The following CSE1L variants were observed in gnomAD, a reference collection of about 807,000 sequenced individuals.
CSE1L encodes chromosome segregation 1 like.
CSE1L carries 24 observed loss-of-function variants against 120.4 expected under a neutral mutation model. The ratio of observed to expected loss-of-function variants is 0.20; its 90% confidence interval spans 0.14 to 0.28. The LOEUF (loss-of-function observed/expected upper bound fraction) is 0.28, where lower values mean the gene tolerates loss of function less well. Among genes scored for constraint, CSE1L ranks in the 10% least tolerant of loss-of-function variants. The pLI is 1.00. For missense variants in CSE1L, 830 were observed against 1,145.2 expected (o/e 0.72, Z 3.97); for synonymous variants, 402 against 398.3 (o/e 1.01, Z -0.11).
At chr20:49,084,446 A>G (rs1246527544) in intron 15 of CSE1L, among the ~76,000 whole-genome samples, 2 of 152,148 alleles carry the variant, frequency 1.3e-5, no homozygotes, top group Non-Finnish European at 2.9e-5. Context: ...GAAACTCCAA[A>G]TTTTATTTGG....
Position 49,070,173 on chromosome 20 carries a change from T to C in CSE1L, c.676-32T>C, listed in dbSNP as rs149341841. The C allele has an allele frequency of 4.8e-4, 492 of 1,028,348 alleles. 1 individual carries two copies. The African/African-American group carries it at 7.3e-3, about 15-fold the overall frequency. 63.7% of individuals were successfully genotyped at this position (1,028,348 alleles called of 1,614,324 possible). A position where few individuals can be genotyped will look rare whatever the true frequency, so the allele number is the denominator to read the frequency against. On this transcript the variant is annotated intron_variant, in intron 7 of 24. Transcript: ENST00000262982. ...AAAAGTGGTGTTCTTAATATTTTAA[T>C]CAAAAGTTTCAAGTCAGTGTTTATT... is the stretch of plus-strand genomic sequence containing the variant.
In CSE1L at chr20:49,085,247, G is replaced by A. The variant is rs754077803; in HGVS notation, c.1620-36G>A. 7 of 1,514,898 alleles carry A rather than the reference G, an allele frequency of 4.6e-6. No individual in the cohort carries two copies. In the Admixed American group the frequency reaches 1.0e-4, roughly 22 times the overall value. 93.8% of individuals were successfully genotyped at this position (1,514,898 alleles called of 1,614,324 possible). On this transcript the variant is annotated intron_variant, in intron 15 of 24. Coordinates refer to ENST00000262982, the MANE Select transcript of CSE1L (RefSeq NM_001316.4). ...GTAATCTGCAGTGACAAGCTCAAGA[G>A]TTGGTAGTGACTGAAAGCTGTTTTT...
chr20:49,077,204 G>A (rs1331984444), intron 13 of CSE1L, 140 bp downstream of exon 13: 1 of 539,588 alleles, frequency 1.9e-6, no homozygotes, highest in Non-Finnish European at 3.1e-6. Context: ...CTGTTACCCA[G>A]GCTGGAGTGC....
intron 21 of CSE1L, 124 bp downstream of exon 21, chr20:49,091,146 C>A (rs555226826): frequency 1.4e-6 from 1 of 712,864 alleles, no homozygotes; most frequent in Non-Finnish European, 2.4e-6. Flanking sequence ...TACTTGGCCA[C>A]GTGTGGAGGT....
chr20:49,093,995 C>T (rs1443421868), intron 22 of CSE1L, 145 bp from the exon 23 acceptor site: 8 of 580,066 alleles, frequency 1.4e-5, no homozygotes, highest in Non-Finnish European at 1.8e-5. Flanking sequence ...TATGTTTTGA[C>T]TTTCAGTCTC....
chr20:49,094,045 T>G, intron 22 of CSE1L, 95 bp from the exon 23 acceptor site: 1 of 782,664 alleles, frequency 1.3e-6, no homozygotes, highest in Non-Finnish European at 2.0e-6. Context: ...ATTTAGTAAT[T>G]TATCATATTC....
At chr20:49,063,417 G>C in intron 3 of CSE1L, 73 bp downstream of exon 3, 1 of 1,017,690 alleles carries the variant, frequency 9.8e-7, no homozygotes, top group Non-Finnish European at 1.4e-6. Flanking sequence ...GTTCTTCAAA[G>C]ATAAGGCACG....
rs772664917 is a variant in CSE1L, at chr20:49,096,390, C to G, written c.2868C>G (p.Leu956=). The part of the protein sequence containing the change: ...MVSTSLNAEA[L]QYLQGYLQAA... ...GCACCAGCCTGAATGCAGAAGCGCTCCAGTATCTCCAAGGGTACCTTCAGG... is the reference window on the plus strand; with the variant it reads ...GCACCAGCCTGAATGCAGAAGCGCTGCAGTATCTCCAAGGGTACCTTCAGG... The change falls in exon 25 of 25, where the codon CTC becomes CTG. Residue 956 remains leucine, a synonymous_variant. Transcript: ENST00000262982. 7 of 1,614,134 alleles carry G rather than the reference C, an allele frequency of 4.3e-6. No individual in the cohort carries two copies. The highest frequency in any genetic ancestry group is 2.2e-5 in the East Asian group (1 of 44,882).
chr20:49,088,335 C>G (rs1235148136), intron 17 of CSE1L, among the ~76,000 whole-genome samples: 1 of 152,120 alleles, frequency 6.6e-6, no homozygotes, highest in Admixed American at 6.5e-5. Context: ...ATTCTCATTA[C>G]AAAAGTAACA....
intron 14 of CSE1L, among the ~76,000 whole-genome samples, chr20:49,080,261 A>ATTTTTTTTTTTTTTT: frequency 7.7e-6 from 1 of 129,156 alleles, no homozygotes; most frequent in Non-Finnish European, 1.7e-5. Context: ...GTTTTTTTTT[A>ATTTTTTTTTTTTTTT]TTTTTTTTGT....
chr20:49,047,002 C>T (rs1318502856), intron 1 of CSE1L, among the ~76,000 whole-genome samples: 1 of 152,248 alleles, frequency 6.6e-6, no homozygotes, highest in Admixed American at 6.5e-5. Flanking sequence ...GCATCGTGAT[C>T]TCACTTTGCT....
At chr20:49,081,739 CTT>C (rs1433139672) in intron 14 of CSE1L, among the ~76,000 whole-genome samples, 1 of 152,074 alleles carries the variant, frequency 6.6e-6, no homozygotes, top group African/African-American at 2.4e-5. Context: ...GCCTAGGTCA[CTT>C]TAATTGTACT....
At chr20:49,087,041 G>A (rs1422058794) in intron 16 of CSE1L, among the ~76,000 whole-genome samples, 1 of 152,082 alleles carries the variant, frequency 6.6e-6, no homozygotes, top group Non-Finnish European at 1.5e-5. Flanking sequence ...CATGTATTTG[G>A]GGCTCTGCTT....
chr20:49,058,914 G>A (rs2041461193), intron 2 of CSE1L, among the ~76,000 whole-genome samples: 1 of 152,060 alleles, frequency 6.6e-6, no homozygotes, highest in South Asian at 2.1e-4. Context: ...GGCGGATCAC[G>A]AGGTCAGGAG....
At chr20:49,058,959 G>A (rs992560322) in intron 2 of CSE1L, among the ~76,000 whole-genome samples, 14 of 151,962 alleles carry the variant, frequency 9.2e-5, no homozygotes, top group Admixed American at 7.9e-4. Flanking sequence ...GTGAAACCCC[G>A]TCTCTACTAA....
At chr20:49,065,612 T>TTTTTTTTTTG in intron 3 of CSE1L, among the ~76,000 whole-genome samples, 1 of 140,416 alleles carries the variant, frequency 7.1e-6, no homozygotes, top group Admixed American at 7.3e-5. Context: ...TTTTTTTTTT[T>TTTTTTTTTTG]GAGACAGAGT....
At chr20:49,086,932 G>A (rs946761677) in intron 16 of CSE1L, among the ~76,000 whole-genome samples, 1 of 152,194 alleles carries the variant, frequency 6.6e-6, no homozygotes, top group Admixed American at 6.5e-5. Context: ...GTAGCAATCT[G>A]TTGAAGGGTG....
At chr20:49,085,451 T>A in intron 16 of CSE1L, 65 bp downstream of exon 16, 1 of 1,102,860 alleles carries the variant, frequency 9.1e-7, no homozygotes. Context: ...GTGAGCACTC[T>A]GAGTTATACT....
intron 1 of CSE1L, among the ~76,000 whole-genome samples, chr20:49,056,846 GCTGTGTGTGTGT>G (rs1312087425): frequency 1.7e-5 from 2 of 118,020 alleles, no homozygotes; most frequent in African/African-American, 6.6e-5. Flanking sequence ...TACTTCACAT[GCTGTGTGTGTGT>G]GTGTGTGTGT....
Sources: allele counts gnomAD v4.1 joint callset (sites outside exome capture counted in the v4.1 genomes callset), GRCh38; gene constraint gnomAD v4.1.1; transcripts MANE v1.5; gene names NCBI Gene and HGNC (gene_info 2026-07-23, HGNC 2026-07-21).